The following VRTN variants were observed in gnomAD, a reference collection of about 807,000 sequenced individuals.
VRTN encodes the protein vertebrae development associated, also known as vertnin.
Under a neutral mutation model 18.2 loss-of-function variants are expected in VRTN, and 5 were observed. That is an observed-to-expected ratio of 0.27 (90% CI 0.14 to 0.58). The LOEUF (loss-of-function observed/expected upper bound fraction) is 0.58. Among genes scored for constraint, VRTN ranks in the 20% least tolerant of loss-of-function variants. VRTN has a pLI of 0.91. For synonymous variants in VRTN, 381 were observed against 393.7 expected, an observed-to-expected ratio of 0.97 and a Z score of 0.38; for missense variants, 741 against 939.4, an observed-to-expected ratio of 0.79 and a Z score of 2.76.
intron 1 of VRTN, among the ~76,000 whole-genome samples, chr14:74,322,514 G>A (rs1279099757): frequency 3.9e-5 from 6 of 152,058 alleles, no homozygotes; most frequent in African/African-American, 7.2e-5. Context: ...ATTATCGTTT[G>A]TTCTCCCCTT....
In VRTN at chr14:74,327,919, C is replaced by G. The variant is rs149785544; in HGVS notation, c.-163-9804C>G. Among the ~76,000 whole-genome samples the G allele has an allele frequency of 5.5e-3, 837 of 152,172 alleles. 10 individuals are homozygous for G. The highest frequency in any genetic ancestry group is 7.0e-3 in the Non-Finnish European group (476 of 68,022). On this transcript the variant is annotated intron_variant, in intron 1 of 2. Coordinates refer to the VRTN transcript ENST00000557177. ...TCTTTTTAGTAGAGACAGGGTTTCA[C>G]AATGTTGGCCGGGCTGGTCGCGAAC...
rs2085746878 is a variant in VRTN, at chr14:74,358,092, T to C, written c.1309T>C (p.Tyr437His). The C allele has an allele frequency of 6.2e-7, 1 of 1,614,180 alleles. No homozygotes were observed. Among genetic ancestry groups the C allele is most frequent in the Non-Finnish European group, 8.5e-7 (1 of 1,180,032 alleles). The change falls in exon 2 of 2, where the codon TAT (tyrosine) becomes CAT (histidine). Residue 437 changes from tyrosine (Y) to histidine (H), a missense_variant. Around this residue, in one of 3 missense-constraint regions of VRTN, gnomAD observed 494 missense variants for 546.5 expected, o/e 0.90. Coordinates refer to ENST00000256362, the MANE Select transcript of VRTN (RefSeq NM_018228.3). This position sits in a 1 kb window ranked among gnomAD's most constrained non-coding sequence, Gnocchi z 5.4. ...RFPGISRSTY[Y>H]NWRRKALRRN... ...CCCTGGCATCTCACGGTCCACTTAT[T>C]ATAATTGGCGGCGAAAGGCCCTCCG...
chr14:74,338,028 C>T (rs928198969), intron 2 of VRTN: 6 of 152,042 alleles, frequency 3.9e-5, no homozygotes, highest in African/African-American at 1.2e-4. Flanking sequence ...GTAAAATGAA[C>T]TCCTGATCCA....
At chr14:74,335,827 G>A (rs1476049349) in intron 1 of VRTN, among the ~76,000 whole-genome samples, 9 of 149,522 alleles carry the variant, frequency 6.0e-5, no homozygotes, top group South Asian at 2.1e-4. Context: ...TGCAACCTCC[G>A]CCTCTTGGGT....
chr14:74,303,020 G>A (rs899810763), upstream of VRTN: 6 of 1,219,006 alleles, frequency 4.9e-6, no homozygotes, highest in Non-Finnish European at 6.6e-6. Flanking sequence ...GTTTGATAGA[G>A]AGGAAGGTGC....
At chr14:74,310,149 G>A (rs1281050414) in intron 1 of VRTN, among the ~76,000 whole-genome samples, 3 of 152,140 alleles carry the variant, frequency 2.0e-5, no homozygotes, top group African/African-American at 7.2e-5. Flanking sequence ...TGTAATCCCA[G>A]CACTTTTGGA....
intron 1 of VRTN, among the ~76,000 whole-genome samples, chr14:74,332,498 G>T (rs1438598273): frequency 6.6e-6 from 1 of 151,598 alleles, no homozygotes; most frequent in Non-Finnish European, 1.5e-5. Flanking sequence ...GCGATTACAG[G>T]TATGTGCCAC....
chr14:74,305,791 A>G (rs1323094930), intron 1 of VRTN, among the ~76,000 whole-genome samples: 1 of 152,000 alleles, frequency 6.6e-6, no homozygotes, highest in East Asian at 1.9e-4. Context: ...ACTCGCCACC[A>G]TGCCTGGCTA....
intron 2 of VRTN, among the ~76,000 whole-genome samples, chr14:74,339,395 G>A (rs1189183991): frequency 6.6e-6 from 1 of 152,060 alleles, no homozygotes; most frequent in South Asian, 2.1e-4. Context: ...CCATCTCTTG[G>A]TAGTCACCAA....
intron 1 of VRTN, among the ~76,000 whole-genome samples, chr14:74,321,419 G>A (rs547014408): frequency 2.8e-4 from 43 of 152,196 alleles, no homozygotes; most frequent in African/African-American, 9.9e-4. Context: ...GTACATGGAC[G>A]TGGTCATAGG....
At chr14:74,354,654 C>T (rs1478087131) in intron 1 of VRTN, among the ~76,000 whole-genome samples, 9 of 152,090 alleles carry the variant, frequency 5.9e-5, no homozygotes, top group African/African-American at 9.6e-5. Flanking sequence ...CCGCCCGTGT[C>T]GGCCTCCCAA....
rs117835867 is a variant in VRTN, at chr14:74,313,109, C to T, written c.-164+9933C>T. 3.2e-3 allele frequency among the ~76,000 whole-genome samples: 485 copies of T among 152,272 alleles called. 7 individuals carry two copies. Among genetic ancestry groups the T allele is most frequent in the Non-Finnish European group, 5.6e-3 (381 of 68,008 alleles). ...CAGAGATTATACCCTAAAAGAGAAGCAATCATTTTATCTTCTGGTCCTCCA... is the reference window on the plus strand; with the variant it reads ...CAGAGATTATACCCTAAAAGAGAAGTAATCATTTTATCTTCTGGTCCTCCA... On this transcript the variant is annotated intron_variant, in intron 1 of 2. Coordinates refer to the VRTN transcript ENST00000557177.
At chr14:74,339,958 T>C (rs2085589873) in intron 2 of VRTN, among the ~76,000 whole-genome samples, 1 of 152,124 alleles carries the variant, frequency 6.6e-6, no homozygotes. Context: ...TTTTTTGAGA[T>C]GGAGTCTCAC....
At chr14:74,317,539 C>T (rs1249251153) in intron 1 of VRTN, among the ~76,000 whole-genome samples, 1 of 152,184 alleles carries the variant, frequency 6.6e-6, no homozygotes, top group African/African-American at 2.4e-5. Context: ...CGGTGGGTCA[C>T]ACCTGTAATA....
At chr14:74,312,208 G>T (rs2085392757) in intron 1 of VRTN, among the ~76,000 whole-genome samples, 1 of 152,194 alleles carries the variant, frequency 6.6e-6, no homozygotes. Context: ...AGACATTTTA[G>T]TGGGTTATAG....
intron 1 of VRTN, among the ~76,000 whole-genome samples, chr14:74,350,690 G>A (rs553679990): frequency 1.1e-4 from 16 of 152,292 alleles, no homozygotes; most frequent in Non-Finnish European, 1.6e-4. Context: ...GTGGTCTTGC[G>A]AAAGCTACTT....
upstream of VRTN, among the ~76,000 whole-genome samples, chr14:74,345,191 C>T (rs1250732782): frequency 6.6e-6 from 1 of 151,942 alleles, no homozygotes; most frequent in Non-Finnish European, 1.5e-5. Context: ...ATCACAGGTT[C>T]ATACCACCAT....
rs374538575 is a variant in VRTN, at chr14:74,353,298, GAAAA to G, written c.-1-3481_-1-3478del. 4.0e-3 allele frequency among the ~76,000 whole-genome samples: 613 copies of G among 151,948 alleles called. 3 individuals carry two copies. The highest frequency in any genetic ancestry group is 0.014 in the African/African-American group (583 of 41,468). On this transcript the variant is annotated intron_variant, in intron 1 of 1. Coordinates refer to ENST00000256362, the MANE Select transcript of VRTN (RefSeq NM_018228.3). Reference sequence around the variant, plus strand: ...AGTGAGATTCTGTCTCAAAAAAAAAGAAAAAAAGTGTTTGGTTTCAACTAACTTG... The same window carrying G: ...AGTGAGATTCTGTCTCAAAAAAAAAGAAAGTGTTTGGTTTCAACTAACTTG...
intron 1 of VRTN, among the ~76,000 whole-genome samples, chr14:74,314,394 C>CTTTTTTTTTTT (rs10676222): frequency 9.2e-6 from 1 of 108,824 alleles, no homozygotes; most frequent in East Asian, 2.8e-4. Flanking sequence ...AAAAACTGTT[C>CTTTTTTTTTTT]TTTTTTTTTT....
Sources: allele counts gnomAD v4.1 joint callset (sites outside exome capture counted in the v4.1 genomes callset), GRCh38; gene constraint gnomAD v4.1.1; regional missense constraint gnomAD v4.1.1; non-coding constraint Gnocchi (gnomAD v3.1); transcripts MANE v1.5; gene names NCBI Gene and HGNC (gene_info 2026-07-23, HGNC 2026-07-21).